CPZ: variants seen among roughly 807,000 people sequenced by gnomAD.
The protein encoded by CPZ is carboxypeptidase Z, also known as VEZT/CPZ fusion.
CPZ carries 103 observed loss-of-function variants against 61.8 expected under a neutral mutation model. The ratio of observed to expected loss-of-function variants is 1.67; its 90% CI spans 1.42 to 1.96. The LOEUF (loss-of-function observed/expected upper bound fraction) is 1.96, where lower values mean the gene tolerates loss of function less well. Ranked by LOEUF, CPZ falls within the 30% of genes most tolerant of loss-of-function variation. The pLI, the probability that CPZ is intolerant of heterozygous loss-of-function variation, is 0.00. For synonymous variants in CPZ, 551 were observed against 373.7 expected (o/e 1.47, Z -5.47); for missense variants, 1,461 against 914.9 (o/e 1.60, Z -7.70).
At position 8,592,915 on chromosome 4, in the gene CPZ, C is replaced by A; in HGVS notation, c.82C>A (p.Pro28Thr). The change falls in exon 1 of 11, where the codon CCC (proline) becomes ACC (threonine). Residue 28 changes from proline to threonine, a missense_variant. Physicochemically the swap from Pro to Thr is conservative, Grantham distance 38 (BLOSUM62 -1). Coordinates refer to ENST00000360986, the MANE Select transcript of CPZ (RefSeq NM_001014447.3). Reference protein sequence around the residue: ...ARPGCEFERNPAGECHRPPAA... With the variant: ...ARPGCEFERNTAGECHRPPAA... ...GCCGGGGTGCGAGTTTGAGCGGAAC[C>A]CCGCCGGTAAGGCCGTCCCCTGCCC... is the stretch of plus-strand genomic sequence containing the variant. The A allele has an allele frequency of 6.5e-7, 1 of 1,535,816 alleles. No homozygotes were observed. Among genetic ancestry groups the A allele is most frequent in the Non-Finnish European group, 8.7e-7 (1 of 1,144,306 alleles).
At chr4:8,605,617 TCC>T (rs1491177716) in intron 4 of CPZ, among the ~76,000 whole-genome samples, 7 of 122,950 alleles carry the variant, frequency 5.7e-5, no homozygotes, top group African/African-American at 2.5e-4. Flanking sequence ...CATCCATCCA[TCC>T]ATCCATCATT....
intron 1 of CPZ, among the ~76,000 whole-genome samples, chr4:8,595,028 T>C (rs1388872324): frequency 6.6e-6 from 1 of 152,226 alleles, no homozygotes; most frequent in Non-Finnish European, 1.5e-5. Flanking sequence ...CGCCTTGGCC[T>C]CCCAAAGTGC....
rs149752952 is a variant in CPZ at position 8,616,161 on chromosome 4, C to T, written c.1503+1663C>T. On this transcript the variant is annotated intron_variant, in intron 9 of 10. Transcript: ENST00000360986. ...CTCGCTGGCTGGCTCTTGAGACGGA[C>T]GTCTTACAGGAGACCTGGGCGCGGG... Among the ~76,000 whole-genome samples, 8 of 152,218 alleles carry T rather than the reference C, an allele frequency of 5.3e-5. No individual in the cohort carries two copies. In the South Asian group the frequency reaches 8.3e-4, roughly 16 times the overall value.
At chr4:8,605,898 A>C (rs1714951753) in intron 4 of CPZ, 91 bp from the exon 5 acceptor site, 1 of 1,297,610 alleles carries the variant, frequency 7.7e-7, no homozygotes, top group Admixed American at 2.0e-5. Flanking sequence ...GTCCCAGCCC[A>C]TCTGGTCATT....
chr4:8,610,428 G>A (rs911499468), intron 7 of CPZ, among the ~76,000 whole-genome samples: 6 of 152,144 alleles, frequency 3.9e-5, no homozygotes, highest in African/African-American at 1.4e-4. Context: ...GAGGCCCCAG[G>A]GCAAGGGCAG....
chr4:8,617,499 C>T (rs531610705), intron 9 of CPZ, among the ~76,000 whole-genome samples: 90 of 152,264 alleles, frequency 5.9e-4, no homozygotes, highest in African/African-American at 2.1e-3. Context: ...ATACAACAGT[C>T]GACATAAAGA....
In CPZ at chr4:8,614,526, G is replaced by T. The variant is rs1715998453; in HGVS notation, c.1503+28G>T. The T allele has an allele frequency of 6.2e-6, 10 of 1,607,846 alleles. No homozygotes were observed. The East Asian group carries it at 2.2e-4, about 36-fold the overall frequency. ...GAGTTCTGACGGTCTCAGGGCTCTGGTCCAGCTGTGGCCTGGGTGGGGTGG... is the reference window on the plus strand; with the variant it reads ...GAGTTCTGACGGTCTCAGGGCTCTGTTCCAGCTGTGGCCTGGGTGGGGTGG... On this transcript the variant is annotated intron_variant, in intron 9 of 10. Transcript: ENST00000360986.
intron 7 of CPZ, among the ~76,000 whole-genome samples, chr4:8,609,330 T>C (rs1465594226): frequency 6.7e-6 from 1 of 149,120 alleles, no homozygotes. Context: ...TTCACTCACT[T>C]TTTCACTCAC....
At position 8,606,940 on chromosome 4, in the gene CPZ, C is replaced by G. The variant is rs202025335; in HGVS notation, c.1068+42C>G. ...CCCATGCTGGTCTCCACCAAGGCAT[C>G]CAGGGGTCCCTAGTTATTCCAGGCT... On this transcript the variant is annotated intron_variant, in intron 6 of 10. Coordinates refer to ENST00000360986, the MANE Select transcript of CPZ (RefSeq NM_001014447.3). 1.2e-3 allele frequency: 1,792 copies of G among 1,546,110 alleles called. 22 individuals are homozygous for G. In the South Asian group the frequency reaches 0.019, roughly 16 times the overall value.
intron 5 of CPZ, 114 bp from the exon 6 acceptor site, chr4:8,606,623 C>T (rs767423909): frequency 7.4e-7 from 1 of 1,343,108 alleles, no homozygotes; most frequent in Non-Finnish European, 1.1e-6. Context: ...TCACATAAAG[C>T]CGGGGGAAAC....
chr4:8,607,291 A>G lies in CPZ; in HGVS notation c.1093A>G (p.Met365Val), dbSNP rs1292174877. ...GGTGGCCCCGGAGACAAAGGCAATC[A>G]TGAAGTGGATGCAGACCATACCCTT... ...GKVAPETKAI[M>V]KWMQTIPFVL... Residue 365 changes from methionine (M) to valine (V), a missense_variant, in exon 7 of 11, where the codon ATG becomes GTG. Transcript: ENST00000360986. 1 of 1,613,932 alleles carries G rather than the reference A, an allele frequency of 6.2e-7. No individual in the cohort carries two copies. Among genetic ancestry groups the G allele is most frequent in the Non-Finnish European group, 8.5e-7 (1 of 1,179,948 alleles).
rs1237611037 is a variant in CPZ at position 8,592,781 on chromosome 4, G to A, written c.-53G>A. The A allele has an allele frequency of 1.6e-6, 2 of 1,279,356 alleles. No homozygotes were observed. The highest frequency in any genetic ancestry group is 1.6e-5 in the African/African-American group (1 of 64,026). The allele number at this position is 1,279,356 out of a possible 1,614,324, so 79.3% of individuals were successfully genotyped here. ...AGCGAGCGCAGAGCCCCGGCCCCGC[G>A]CGGCCCGAGTGCCACATCACTGCGC... is the stretch of plus-strand genomic sequence containing the variant. On this transcript the variant is annotated 5_prime_UTR_variant, in exon 1 of 11. Transcript: ENST00000360986.
In CPZ at chr4:8,592,844, CGCT is replaced by C. The variant is rs768290580; in HGVS notation, c.14_16del (p.Leu5del). The C allele has an allele frequency of 4.7e-6, 7 of 1,479,270 alleles. No individual in the cohort carries two copies. Among genetic ancestry groups the C allele is most frequent in the South Asian group, 2.6e-5 (2 of 77,872 alleles). 91.6% of individuals were successfully genotyped at this position (1,479,270 alleles called of 1,614,324 possible). ...GTCCGCCGCCCCACCATGCCGCCCCCGCTGCCGCTGCTGCTCCTTACAGTCCTG... is the reference window on the plus strand; with the variant it reads ...GTCCGCCGCCCCACCATGCCGCCCCCGCCGCTGCTGCTCCTTACAGTCCTG... On this transcript the variant is annotated inframe_deletion, in exon 1 of 11. Transcript: ENST00000360986.
At chr4:8,608,183 G>A (rs985987276) in intron 7 of CPZ, among the ~76,000 whole-genome samples, 30 of 145,236 alleles carry the variant, frequency 2.1e-4, no homozygotes, top group Non-Finnish European at 3.2e-4. Context: ...GAGCTTAGCT[G>A]CCTGAACTGC....
intron 7 of CPZ, 114 bp from the exon 8 acceptor site, chr4:8,611,913 T>C (rs1715731264): frequency 7.0e-7 from 1 of 1,433,584 alleles, no homozygotes; most frequent in Non-Finnish European, 9.6e-7. Flanking sequence ...ACCATTCCCC[T>C]CTCCTATCTG....
Position 8,604,009 on chromosome 4 carries a change from G to C in CPZ, c.530G>C (p.Gly177Ala). 1 of 1,612,144 alleles carries C rather than the reference G, an allele frequency of 6.2e-7. No individual in the cohort carries two copies. Among genetic ancestry groups the C allele is most frequent in the East Asian group, 2.2e-5 (1 of 44,880 alleles). ...GAGGCTGACGAGGCACTGCCCTCAG[G>C]GCTGCCGCCCACCTTCATCCGCTTC... ...GLEADEALPS[G>A]LPPTFIRFSH... Residue 177 changes from glycine to alanine, a missense_variant, in exon 4 of 11, where the codon GGG (glycine) becomes GCG (alanine). Transcript: ENST00000360986.
At chr4:8,607,732 G>A (rs1466851162) in intron 7 of CPZ, among the ~76,000 whole-genome samples, 1 of 152,166 alleles carries the variant, frequency 6.6e-6, no homozygotes, top group Non-Finnish European at 1.5e-5. Flanking sequence ...TTTGAGCTCC[G>A]CCCCGCGCCT....
intron 7 of CPZ, among the ~76,000 whole-genome samples, chr4:8,611,583 TTATTCATAGAAG>T (rs1715686706): frequency 6.6e-6 from 1 of 152,128 alleles, no homozygotes; most frequent in Admixed American, 6.5e-5. Flanking sequence ...GAAGCAGTGA[TTATTCATAGAAG>T]TAGTTGGCTT....
chr4:8,599,371 A>G (rs1445011357), intron 1 of CPZ, 82 bp from the exon 2 acceptor site: 19 of 1,487,236 alleles, frequency 1.3e-5, no homozygotes, highest in Non-Finnish European at 1.6e-5. Flanking sequence ...CCCTACCTGC[A>G]CTCAGGGCCC....
Sources: gnomAD v4.1 joint callset for allele counts (sites outside exome capture counted in the v4.1 genomes callset) on GRCh38, gnomAD v4.1.1 for gene constraint, MANE v1.5 for transcripts, NCBI Gene and HGNC (gene_info 2026-07-23, HGNC 2026-07-21) for gene names.